The following WDR70 variants were observed in gnomAD, a reference collection of about 807,000 sequenced individuals.
WDR70 encodes the protein WD repeat-containing protein 70.
Under a neutral mutation model 88.6 loss-of-function variants are expected in WDR70, and 53 were observed. The observed-to-expected ratio is 0.60, with a 90% confidence interval of 0.48 to 0.75. The LOEUF is 0.75. WDR70 is among the 30% of genes least tolerant of loss of function. The probability of loss-of-function intolerance (pLI) is 0.00; values close to 1 mark genes in which losing one functional copy is unlikely to be tolerated. For synonymous variants in WDR70, 280 were observed against 270.0 expected (o/e 1.04, Z -0.36); for missense variants, 610 against 823.2 (o/e 0.74, Z 3.17).
At chr5:37,697,520 TA>T in intron 10 of WDR70, 134 bp from the exon 11 acceptor site, 1 of 639,802 alleles carries the variant, frequency 1.6e-6, no homozygotes, top group Non-Finnish European at 2.6e-6. Context: ...AAGCAAATTA[TA>T]ATCATGTGAA....
In WDR70 at chr5:37,396,402, G is replaced by A; in HGVS notation, c.324G>A (p.Gln108=). 6.2e-7 allele frequency: 1 copy of A among 1,612,942 alleles called. No homozygotes were observed. Among genetic ancestry groups the A allele is most frequent in the Admixed American group, 1.7e-5 (1 of 59,698 alleles). ...SRDTSSSESE[Q]SSDSSDDELI... ...ATACGAGCAGCAGTGAAAGTGAACAGAGTTCTGACTCTTCTGATGATGAGT... is the reference window on the plus strand; with the variant it reads ...ATACGAGCAGCAGTGAAAGTGAACAAAGTTCTGACTCTTCTGATGATGAGT... Residue 108 remains glutamine, a synonymous_variant, in exon 5 of 18, where the codon CAG becomes CAA. Transcript: ENST00000265107.
rs537100097 is a variant in WDR70 at position 37,707,404 on chromosome 5, T to G, written c.1416+4317T>G. Among the ~76,000 whole-genome samples, 18 of 152,318 alleles carry G rather than the reference T, an allele frequency of 1.2e-4. No individual in the cohort carries two copies. The East Asian group carries it at 3.5e-3, about 29-fold the overall frequency. ...TTTTACACCTGAGCCTAACTTCTTT[T>G]CTAATTTATTTGTTTGCTTAGGTAC... On this transcript the variant is annotated intron_variant, in intron 13 of 17. Coordinates refer to ENST00000265107, the MANE Select transcript of WDR70 (RefSeq NM_018034.4).
At chr5:37,659,836 T>A (rs1368065625) in intron 10 of WDR70, among the ~76,000 whole-genome samples, 2 of 152,206 alleles carry the variant, frequency 1.3e-5, no homozygotes, top group Non-Finnish European at 2.9e-5. Flanking sequence ...TAAACTCATC[T>A]AAACCTAATT....
At chr5:37,626,585 T>C (rs1354582655) in intron 10 of WDR70, among the ~76,000 whole-genome samples, 1 of 152,194 alleles carries the variant, frequency 6.6e-6, no homozygotes, top group Non-Finnish European at 1.5e-5. Context: ...TTGTTGTCGT[T>C]GTTGTATCCT....
chr5:37,639,661 G>A (rs1356386947), intron 10 of WDR70, among the ~76,000 whole-genome samples: 2 of 151,974 alleles, frequency 1.3e-5, no homozygotes, highest in Non-Finnish European at 2.9e-5. Flanking sequence ...CTCCTTGAGG[G>A]CAATGACTCT....
Position 37,722,461 on chromosome 5 carries a change from T to A in WDR70, c.1518-394T>A, listed in dbSNP as rs543647296. The A allele has an allele frequency of 1.0e-4, 21 of 203,138 alleles. 1 individual carries two copies. In the Middle Eastern group the frequency reaches 6.4e-3, roughly 62 times the overall value. 12.6% of individuals were successfully genotyped at this position (203,138 alleles called of 1,614,324 possible). A position where few individuals can be genotyped will look rare whatever the true frequency, so the allele number is the denominator to read the frequency against. Reference sequence around the variant, plus strand: ...TATTTGAAAAGTGGACATATGCCATTTGGGGTGTAGACCACCCAGGTTGCT... The same window carrying A: ...TATTTGAAAAGTGGACATATGCCATATGGGGTGTAGACCACCCAGGTTGCT... On this transcript the variant is annotated intron_variant, in intron 14 of 17. Coordinates refer to ENST00000265107, the MANE Select transcript of WDR70 (RefSeq NM_018034.4).
At chr5:37,428,621 C>G (rs1315011704) in intron 5 of WDR70, among the ~76,000 whole-genome samples, 1 of 152,170 alleles carries the variant, frequency 6.6e-6, no homozygotes, top group African/African-American at 2.4e-5. Context: ...ATTTTTATTG[C>G]TAAGTAGTAG....
intron 9 of WDR70, among the ~76,000 whole-genome samples, chr5:37,566,303 G>GGT (rs1308700294): frequency 3.3e-5 from 3 of 90,640 alleles, no homozygotes; most frequent in East Asian, 2.8e-4. Flanking sequence ...TTCCTCCTGT[G>GGT]ATAATAGCTT....
At chr5:37,541,628 G>A (rs1741818468) in intron 9 of WDR70, among the ~76,000 whole-genome samples, 1 of 152,136 alleles carries the variant, frequency 6.6e-6, no homozygotes, top group South Asian at 2.1e-4. Context: ...TGAGGCAGTG[G>A]CAGGCCCATT....
intron 6 of WDR70, among the ~76,000 whole-genome samples, chr5:37,440,197 T>G (rs191115226): frequency 2.9e-3 from 448 of 152,344 alleles, no homozygotes; most frequent in Non-Finnish European, 5.3e-3. Context: ...GTGAATATAC[T>G]TACTATGGCA....
At chr5:37,619,100 G>A (rs997676310) in intron 10 of WDR70, among the ~76,000 whole-genome samples, 4 of 152,032 alleles carry the variant, frequency 2.6e-5, no homozygotes, top group African/African-American at 9.7e-5. Context: ...TGCTCATTCC[G>A]TGTCATGGTG....
At chr5:37,431,568 C>T (rs1435128034) in intron 5 of WDR70, among the ~76,000 whole-genome samples, 3 of 152,150 alleles carry the variant, frequency 2.0e-5, no homozygotes, top group African/African-American at 7.2e-5. Context: ...GTGCTAAAAA[C>T]ACATAACATA....
intron 9 of WDR70, among the ~76,000 whole-genome samples, chr5:37,522,645 G>A (rs951274349): frequency 1.3e-5 from 2 of 152,130 alleles, no homozygotes; most frequent in African/African-American, 4.8e-5. Flanking sequence ...AGGACAGTGG[G>A]TGCAGCCCAC....
chr5:37,392,421 T>G (rs1748863373), intron 4 of WDR70, among the ~76,000 whole-genome samples: 1 of 151,936 alleles, frequency 6.6e-6, no homozygotes, highest in African/African-American at 2.4e-5. Context: ...TGACCTCAGT[T>G]GATCCACCCG....
At chr5:37,397,422 T>C (rs1273096395) in intron 5 of WDR70, among the ~76,000 whole-genome samples, 3 of 151,188 alleles carry the variant, frequency 2.0e-5, no homozygotes, top group Non-Finnish European at 2.9e-5. Flanking sequence ...TGAGCTGAGA[T>C]TGTGCCATTG....
At chr5:37,481,167 G>A (rs1286106601) in intron 8 of WDR70, among the ~76,000 whole-genome samples, 1 of 152,150 alleles carries the variant, frequency 6.6e-6, no homozygotes, top group Non-Finnish European at 1.5e-5. Flanking sequence ...AGCTTTTCCA[G>A]GCACACAGTG....
At chr5:37,647,701 G>A (rs1473787705) in intron 10 of WDR70, among the ~76,000 whole-genome samples, 1 of 152,174 alleles carries the variant, frequency 6.6e-6, no homozygotes, top group Non-Finnish European at 1.5e-5. Flanking sequence ...GCAGAGACTT[G>A]TTCTCTTTCC....
At chr5:37,569,920 G>A (rs1472947390) in intron 9 of WDR70, among the ~76,000 whole-genome samples, 1 of 152,140 alleles carries the variant, frequency 6.6e-6, no homozygotes, top group Non-Finnish European at 1.5e-5. Flanking sequence ...AGACCTAAAG[G>A]CAAGATAACT....
At chr5:37,579,852 C>T (rs1460236997) in intron 9 of WDR70, among the ~76,000 whole-genome samples, 1 of 151,584 alleles carries the variant, frequency 6.6e-6, no homozygotes, top group Non-Finnish European at 1.5e-5. Flanking sequence ...ATCATTTCCA[C>T]CTTCTCTTCA....
Sources: gnomAD v4.1 joint callset for allele counts (sites outside exome capture counted in the v4.1 genomes callset) on GRCh38, gnomAD v4.1.1 for gene constraint, MANE v1.5 for transcripts, NCBI Gene and HGNC (gene_info 2026-07-23, HGNC 2026-07-21) for gene names.